Variants in TAF2 observed in about 807,000 individuals in gnomAD.
The protein encoded by TAF2 is transcription initiation factor TFIID subunit 2.
TAF2 carries 61 observed loss-of-function variants against 138.5 expected under a neutral mutation model. The observed-to-expected ratio is 0.44, with a 90% CI of 0.36 to 0.54. The LOEUF is 0.54. Ranked by LOEUF, TAF2 falls within the 20% of genes least tolerant of loss-of-function variation. The pLI, the probability that TAF2 is intolerant of heterozygous loss-of-function variation, is 0.00. For synonymous variants in TAF2, 475 were observed against 469.9 expected (o/e 1.01, Z -0.14); for missense variants, 1,090 against 1,427.9 (o/e 0.76, Z 3.81).
intron 18 of TAF2, among the ~76,000 whole-genome samples, chr8:119,766,092 T>G (rs1325642267): frequency 6.6e-6 from 1 of 152,186 alleles, no homozygotes; most frequent in Non-Finnish European, 1.5e-5. Context: ...TGATATTACA[T>G]TCAATTTAAC....
At chr8:119,767,057 G>T (rs1419371404) in intron 18 of TAF2, 1 of 152,120 alleles carries the variant, frequency 6.6e-6, no homozygotes, top group Non-Finnish European at 1.5e-5. Context: ...ATATGACACA[G>T]AACTGACAGC....
chr8:119,817,948 T>C (rs72690107), intron 3 of TAF2, among the ~76,000 whole-genome samples: 3,453 of 152,356 alleles, frequency 0.023, 48 homozygotes, highest in Middle Eastern at 0.034. Flanking sequence ...GTTCTACAAA[T>C]GTGGCTTTAA....
At chr8:119,815,965 C>CCTT (rs1278462504) in intron 3 of TAF2, among the ~76,000 whole-genome samples, 1 of 152,018 alleles carries the variant, frequency 6.6e-6, no homozygotes, top group Non-Finnish European at 1.5e-5. Context: ...GATAGAAATG[C>CCTT]CTTTCAGCCT....
intron 16 of TAF2, 89 bp from the exon 17 acceptor site, chr8:119,781,282 C>T (rs749705000): frequency 1.6e-5 from 23 of 1,438,538 alleles, no homozygotes; most frequent in Non-Finnish European, 2.2e-5. Context: ...ATCAATACTA[C>T]AACTGGATTG....
intron 19 of TAF2, among the ~76,000 whole-genome samples, chr8:119,761,177 T>C (rs1821038779): frequency 6.6e-6 from 1 of 152,186 alleles, no homozygotes; most frequent in African/African-American, 2.4e-5. Flanking sequence ...ATACCGTATT[T>C]TTACCATACC....
chr8:119,773,581 T>C (rs1822000335), intron 18 of TAF2, among the ~76,000 whole-genome samples: 2 of 151,628 alleles, frequency 1.3e-5, no homozygotes, highest in South Asian at 4.1e-4. Flanking sequence ...TAAGTAAAAA[T>C]ATGAGGAAGA....
At chr8:119,734,336 T>A (rs1461600770) in intron 25 of TAF2, among the ~76,000 whole-genome samples, 2 of 152,144 alleles carry the variant, frequency 1.3e-5, no homozygotes, top group Non-Finnish European at 2.9e-5. Context: ...TAGATTTCAA[T>A]GTAGTTTCTT....
intron 18 of TAF2, 79 bp from the exon 19 acceptor site, chr8:119,762,687 T>A: frequency 7.5e-7 from 1 of 1,337,370 alleles, no homozygotes; most frequent in Non-Finnish European, 1.0e-6. Context: ...TTTGTATAAT[T>A]ACATTTTAGA....
At chr8:119,816,529 C>A (rs1825490016) in intron 3 of TAF2, among the ~76,000 whole-genome samples, 1 of 152,126 alleles carries the variant, frequency 6.6e-6, no homozygotes, top group Non-Finnish European at 1.5e-5. Context: ...CTTTTAATTT[C>A]AAAACTGCTA....
At position 119,788,381 on chromosome 8, in the gene TAF2, TTTC is replaced by T; in HGVS notation, c.1747_1749del (p.Glu583del). On this transcript the variant is annotated inframe_deletion, in exon 14 of 26. Transcript: ENST00000378164. ...CAGGGTATATCATGTTTAAGGCTGT[TTTC>T]TTCAATTTGCAGTGTATGATTGAAG... The T allele has an allele frequency of 2.5e-6, 4 of 1,613,634 alleles. No individual in the cohort carries two copies. The highest frequency in any genetic ancestry group is 3.4e-6 in the Non-Finnish European group (4 of 1,179,916).
At position 119,771,544 on chromosome 8, in the gene TAF2, C is replaced by G. The variant is rs1256318532; in HGVS notation, c.2364+6475G>C. ...AGCCACTGTGCCCGGCCACGAGTAG[C>G]CATTCTTACATCAGATAAAATAGAC... On this transcript the variant is annotated intron_variant, in intron 18 of 25. Coordinates refer to ENST00000378164, the MANE Select transcript of TAF2 (RefSeq NM_003184.4). Among the ~76,000 whole-genome samples, 4 of 152,032 alleles carry G rather than the reference C, an allele frequency of 2.6e-5. No homozygotes were observed. In the East Asian group the frequency reaches 7.7e-4, roughly 29 times the overall value.
At chr8:119,740,540 C>G (rs1338211016) in intron 25 of TAF2, among the ~76,000 whole-genome samples, 1 of 148,258 alleles carries the variant, frequency 6.7e-6, no homozygotes, top group African/African-American at 2.5e-5. Context: ...TGATGCATGC[C>G]TGTAATCCCA....
chr8:119,784,331 G>C (rs914408002), intron 15 of TAF2, among the ~76,000 whole-genome samples: 2 of 152,232 alleles, frequency 1.3e-5, no homozygotes, highest in Middle Eastern at 3.4e-3. Context: ...GAGGCGGGTG[G>C]ATCACTTGAG....
intron 14 of TAF2, among the ~76,000 whole-genome samples, chr8:119,786,069 AAC>A (rs1453294113): frequency 1.3e-5 from 2 of 152,332 alleles, no homozygotes; most frequent in East Asian, 3.9e-4. Context: ...GAGTGAACTA[AAC>A]ACAGTCATGA....
chr8:119,778,163 A>G (rs1822390393), intron 17 of TAF2, 34 bp from the exon 18 acceptor site: 1 of 1,332,694 alleles, frequency 7.5e-7, no homozygotes, highest in Non-Finnish European at 1.1e-6. Context: ...TTAAAAGCAC[A>G]GAACCTAACT....
At chr8:119,753,895 T>C (rs1820521150) in intron 22 of TAF2, among the ~76,000 whole-genome samples, 2 of 152,336 alleles carry the variant, frequency 1.3e-5, no homozygotes, top group East Asian at 3.9e-4. Flanking sequence ...ACATATGAAC[T>C]GTTGAATGAA....
At chr8:119,737,639 G>A (rs1819314490) in intron 25 of TAF2, among the ~76,000 whole-genome samples, 1 of 151,410 alleles carries the variant, frequency 6.6e-6, no homozygotes, top group African/African-American at 2.4e-5. Flanking sequence ...CTCCCGAGTA[G>A]CTAGGATTAC....
chr8:119,771,028 G>A (rs768197429), intron 18 of TAF2, among the ~76,000 whole-genome samples: 30 of 152,042 alleles, frequency 2.0e-4, no homozygotes, highest in Middle Eastern at 3.4e-3. Flanking sequence ...CTGAGATCAC[G>A]CCACTGCACT....
At chr8:119,810,525 G>A (rs1824979521) in intron 3 of TAF2, among the ~76,000 whole-genome samples, 1 of 152,142 alleles carries the variant, frequency 6.6e-6, no homozygotes, top group African/African-American at 2.4e-5. Flanking sequence ...TGGGACTAGA[G>A]TCATATGGTA....
Sources: allele counts gnomAD v4.1 joint callset (sites outside exome capture counted in the v4.1 genomes callset), GRCh38; gene constraint gnomAD v4.1.1; transcripts MANE v1.5; gene names NCBI Gene and HGNC (gene_info 2026-07-23, HGNC 2026-07-21).